The following CNTNAP2 variants were observed in gnomAD, a reference collection of about 807,000 sequenced individuals.
CNTNAP2 encodes contactin associated protein 2, also known as contactin-associated protein-like 2.
A neutral mutation model predicts 155.2 loss-of-function variants in CNTNAP2; 98 were observed. The ratio of observed to expected loss-of-function variants is 0.63; its 90% CI spans 0.54 to 0.75. The LOEUF is 0.75. Among genes scored for constraint, CNTNAP2 ranks in the 30% least tolerant of loss-of-function variants. The pLI, the probability that CNTNAP2 is intolerant of heterozygous loss-of-function variation, is 0.00. For missense variants in CNTNAP2, 1,727 were observed against 1,688.1 expected (o/e 1.02, Z -0.40); for synonymous variants, 651 against 631.2 (o/e 1.03, Z -0.47).
intron 8 of CNTNAP2, among the ~76,000 whole-genome samples, chr7:147,145,915 A>T (rs1028228947): frequency 6.6e-6 from 1 of 152,090 alleles, no homozygotes; most frequent in Admixed American, 6.6e-5. Flanking sequence ...ATATTTTGTT[A>T]TTTGTTTTCT....
chr7:146,712,177 T>A (rs1192518527), intron 1 of CNTNAP2, among the ~76,000 whole-genome samples: 1 of 117,088 alleles, frequency 8.5e-6, no homozygotes, highest in Non-Finnish European at 1.7e-5. Flanking sequence ...TACAAATATG[T>A]ATACATATCT....
intron 2 of CNTNAP2, among the ~76,000 whole-genome samples, 165 bp from the exon 3 acceptor site, chr7:146,839,546 A>G (rs1224105007): frequency 1.3e-5 from 2 of 152,234 alleles, no homozygotes; most frequent in Admixed American, 6.5e-5. Flanking sequence ...CAGCTGGAAG[A>G]ATATTAGTTG....
chr7:148,371,762 A>G (rs1335757335), intron 21 of CNTNAP2, among the ~76,000 whole-genome samples: 2 of 152,196 alleles, frequency 1.3e-5, no homozygotes, highest in African/African-American at 2.4e-5. Flanking sequence ...GCAGCCTTCT[A>G]CACACCCAGG....
intron 21 of CNTNAP2, among the ~76,000 whole-genome samples, chr7:148,271,478 T>G (rs6958974): frequency 0.36 from 54,252 of 151,994 alleles, 11,396 homozygotes; most frequent in East Asian, 0.6. Context: ...AACCACAGGC[T>G]TCAAGCTACT....
At chr7:146,812,268 A>C (rs1803079785) in intron 2 of CNTNAP2, among the ~76,000 whole-genome samples, 1 of 151,988 alleles carries the variant, frequency 6.6e-6, no homozygotes, top group Admixed American at 6.6e-5. Flanking sequence ...AGTTGGTCTC[A>C]GATGGAGATG....
At chr7:147,857,477 G>A (rs1040133226) in intron 13 of CNTNAP2, among the ~76,000 whole-genome samples, 2 of 152,138 alleles carry the variant, frequency 1.3e-5, no homozygotes, top group Non-Finnish European at 2.9e-5. Context: ...GTATGAATGT[G>A]ACTCTAAAAT....
At chr7:146,535,908 A>C (rs1797861939) in intron 1 of CNTNAP2, among the ~76,000 whole-genome samples, 1 of 151,506 alleles carries the variant, frequency 6.6e-6, no homozygotes. Context: ...AGTTTCCTTG[A>C]TGGTGGCATT....
chr7:147,029,680 C>T (rs913489712), intron 3 of CNTNAP2, among the ~76,000 whole-genome samples: 5 of 151,576 alleles, frequency 3.3e-5, no homozygotes, highest in African/African-American at 1.2e-4. Flanking sequence ...ATTAATCATC[C>T]AATAGATAAT....
At chr7:146,280,452 A>T (rs556920901) in intron 1 of CNTNAP2, among the ~76,000 whole-genome samples, 134 of 152,148 alleles carry the variant, frequency 8.8e-4, no homozygotes, top group African/African-American at 2.9e-3. Context: ...TTCTGTCATC[A>T]ATACTTGCCT....
At chr7:147,986,598 T>C (rs1003210497) in intron 15 of CNTNAP2, among the ~76,000 whole-genome samples, 1 of 152,206 alleles carries the variant, frequency 6.6e-6, no homozygotes, top group African/African-American at 2.4e-5. Flanking sequence ...AGAGCTGGTA[T>C]ACAGCAGAGC....
At chr7:147,345,621 T>C (rs1363972958) in intron 9 of CNTNAP2, among the ~76,000 whole-genome samples, 2 of 152,210 alleles carry the variant, frequency 1.3e-5, no homozygotes, top group Admixed American at 6.5e-5. Context: ...GGCTAACATA[T>C]GGTTGCCAAA....
intron 3 of CNTNAP2, among the ~76,000 whole-genome samples, chr7:146,850,021 G>A (rs6954039): frequency 0.32 from 49,086 of 152,012 alleles, 8,418 homozygotes; most frequent in African/African-American, 0.46. Context: ...AATTTAGTCA[G>A]TGTTGACTTT....
intron 1 of CNTNAP2, among the ~76,000 whole-genome samples, chr7:146,138,535 A>G (rs1797830491): frequency 6.6e-6 from 1 of 152,144 alleles, no homozygotes; most frequent in Admixed American, 6.6e-5. Context: ...CACAAGTATT[A>G]GGGACATTTC....
chr7:147,026,223 A>G (rs1282422909), intron 3 of CNTNAP2, among the ~76,000 whole-genome samples: 1 of 152,196 alleles, frequency 6.6e-6, no homozygotes, highest in Non-Finnish European at 1.5e-5. Context: ...ATAAAATTGA[A>G]GATAGGATCC....
In CNTNAP2 at chr7:146,728,184, G is replaced by A. The variant is rs148475569; in HGVS notation, c.98-46087G>A. On this transcript the variant is annotated intron_variant, in intron 1 of 23. Coordinates refer to ENST00000361727, the MANE Select transcript of CNTNAP2 (RefSeq NM_014141.6). ...GATGAATACGATTTAGTTGTGTGGC[G>A]TGATGTTTCAGGTAAAGCGTTCATC... 2.0e-5 allele frequency among the ~76,000 whole-genome samples: 3 copies of A among 152,216 alleles called. No homozygotes were observed. In the East Asian group the frequency reaches 5.8e-4, roughly 29 times the overall value.
At chr7:147,618,594 G>A (rs1250784085) in intron 12 of CNTNAP2, among the ~76,000 whole-genome samples, 2 of 150,842 alleles carry the variant, frequency 1.3e-5, no homozygotes, top group East Asian at 1.9e-4. Context: ...ACTTCAGACT[G>A]TATATGAATA....
intron 1 of CNTNAP2, among the ~76,000 whole-genome samples, chr7:146,722,113 C>T (rs1310847312): frequency 6.6e-6 from 1 of 151,612 alleles, no homozygotes; most frequent in Admixed American, 6.6e-5. Flanking sequence ...TGGTTTTGAA[C>T]TCCTGATGTC....
At chr7:146,851,977 T>C (rs1794888283) in intron 3 of CNTNAP2, among the ~76,000 whole-genome samples, 1 of 152,138 alleles carries the variant, frequency 6.6e-6, no homozygotes, top group South Asian at 2.1e-4. Context: ...TGAGTCACTG[T>C]GGCTGGCCTT....
chr7:148,335,933 T>C (rs4460284), intron 21 of CNTNAP2, among the ~76,000 whole-genome samples: 105,647 of 151,892 alleles, frequency 0.7, 37,022 homozygotes, highest in East Asian at 0.89. Flanking sequence ...CATGAAGCTG[T>C]TGAAACTAAA....
Sources: allele counts gnomAD v4.1 joint callset (sites outside exome capture counted in the v4.1 genomes callset), GRCh38; gene constraint gnomAD v4.1.1; transcripts MANE v1.5; gene names NCBI Gene and HGNC (gene_info 2026-07-23, HGNC 2026-07-21).